The following CFAP46 variants were observed in gnomAD, a reference collection of about 807,000 sequenced individuals.
CFAP46 encodes the protein cilia and flagella associated protein 46.
In CFAP46, 245 loss-of-function variants were observed where a neutral mutation model predicts 325.7. That is an observed-to-expected ratio of 0.75 (90% CI 0.68 to 0.84). The LOEUF is 0.84. CFAP46 is among the 40% of genes least tolerant of loss of function. CFAP46 has a pLI of 0.00. For synonymous variants in CFAP46, 1,523 were observed against 1,495.9 expected (o/e 1.02, Z -0.42); for missense variants, 3,346 against 3,543.0 (o/e 0.94, Z 1.41).
intron 50 of CFAP46, among the ~76,000 whole-genome samples, chr10:132,830,684 T>C (rs1848134126): frequency 6.6e-6 from 1 of 152,152 alleles, no homozygotes; most frequent in South Asian, 2.1e-4. Context: ...TAATTTTGTG[T>C]CTCTCTTTTT....
At position 132,934,779 on chromosome 10, in the gene CFAP46, T is replaced by C. The variant is rs1023196715; in HGVS notation, c.839A>G (p.Gln280Arg). 1 of 1,609,588 alleles carries C rather than the reference T, an allele frequency of 6.2e-7. No homozygotes were observed. The highest frequency in any genetic ancestry group is 8.5e-7 in the Non-Finnish European group (1 of 1,176,286). Residue 280 changes from glutamine to arginine, a missense_variant, in exon 8 of 58, where the codon CAG (glutamine) becomes CGG (arginine). Gln to Arg is a conservative substitution (Grantham distance 43). Transcript: ENST00000368586. ...TTCTTCACTGATAGAGGGAAAGCGC[T>C]GGTGGTTGTAATGACCTAAGTGTCT... ...AYRHLGHYNH[Q>R]RFPSISEEKM... is the part of the protein sequence containing the mutation.
chr10:132,878,448 A>T (rs1169450393), intron 29 of CFAP46, among the ~76,000 whole-genome samples: 1 of 152,122 alleles, frequency 6.6e-6, no homozygotes, highest in African/African-American at 2.4e-5. Flanking sequence ...GTACCCAGGC[A>T]GGGAGGACGC....
At chr10:132,922,735 C>A in intron 11 of CFAP46, 27 bp from the exon 12 acceptor site, 1 of 1,521,646 alleles carries the variant, frequency 6.6e-7, no homozygotes, top group Non-Finnish European at 8.9e-7. Context: ...GCATCAGGGG[C>A]CCTGGCGGCG....
intron 34 of CFAP46, among the ~76,000 whole-genome samples, 189 bp from the exon 35 acceptor site, chr10:132,866,360 C>G (rs1252183890): frequency 1.3e-5 from 2 of 152,194 alleles, no homozygotes; most frequent in Non-Finnish European, 2.9e-5. Context: ...AGAGCTCAGG[C>G]CTTTGCCTTT....
Position 132,922,535 on chromosome 10 carries a change from G to A in CFAP46, c.1430C>T (p.Thr477Met), listed in dbSNP as rs550697849. The A allele has an allele frequency of 1.7e-4, 265 of 1,547,722 alleles. 1 individual carries two copies. The African/African-American group carries it at 2.9e-3, about 17-fold the overall frequency. The change falls in exon 12 of 58, where the codon ACG (threonine) becomes ATG (methionine). Residue 477 changes from threonine (T) to methionine (M), a missense_variant. Coordinates refer to ENST00000368586, the MANE Select transcript of CFAP46 (RefSeq NM_001200049.3). ...MASTRLRLCT[T>M]LYQAPERAED... ...TGCGCGCTCAGGGGCCTGGTATAGC[G>A]TGGTGCACAGACGCAGCCGGGTGGA...
rs11593504 is a variant in CFAP46 at position 132,809,445 on chromosome 10, T to C, written c.7665-541A>G. Among the ~76,000 whole-genome samples, 286 of 152,260 alleles carry C rather than the reference T, an allele frequency of 1.9e-3. 2 individuals are homozygous for C. The highest frequency in any genetic ancestry group is 3.6e-3 in the Non-Finnish European group (245 of 68,014). ...CCTGCTCTGCATTTGCAGGGATGAGTGTGGGTTCCGTCTGCCTTCCTCCTG... is the reference window on the plus strand; with the variant it reads ...CCTGCTCTGCATTTGCAGGGATGAGCGTGGGTTCCGTCTGCCTTCCTCCTG... On this transcript the variant is annotated intron_variant, in intron 57 of 57. Transcript: ENST00000368586.
chr10:132,905,036 G>A lies in CFAP46; in HGVS notation c.2924+3432C>T, dbSNP rs1340487567. Among the ~76,000 whole-genome samples the A allele has an allele frequency of 4.6e-5, 7 of 152,246 alleles. No homozygotes were observed. In the East Asian group the frequency reaches 1.2e-3, roughly 25 times the overall value. The stretch of plus-strand genomic sequence containing the variant: ...GTGACCCTGGTGACTCACCTTCCCG[G>A]TGAGGACCACAACACCCACGCTTCC... On this transcript the variant is annotated intron_variant, in intron 22 of 57. Transcript: ENST00000368586.
chr10:132,824,072 GA>G (rs1226159759), intron 50 of CFAP46, among the ~76,000 whole-genome samples: 6 of 134,230 alleles, frequency 4.5e-5, no homozygotes, highest in East Asian at 2.3e-4. Flanking sequence ...GATGTGTGCT[GA>G]TGTGTGCACT....
At position 132,926,664 on chromosome 10, in the gene CFAP46, A is replaced by T. The variant is rs1242513781; in HGVS notation, c.969T>A (p.Asp323Glu). The T allele has an allele frequency of 6.5e-7, 1 of 1,534,880 alleles. No homozygotes were observed. The highest frequency in any genetic ancestry group is 8.7e-7 in the Non-Finnish European group (1 of 1,145,792). Residue 323 changes from aspartate (D) to glutamate (E), a missense_variant and splice_region_variant, in exon 10 of 58, where the codon GAT (aspartate) becomes GAA (glutamate). By Grantham distance (45) the Asp-to-Glu change is conservative. Transcript: ENST00000368586. ...LSDLKKMESK[D>E]PGKLIEMECL... ...ATTCCATTTCAATAAGCTTCCCAGG[A>T]TCCTGCAGATATAAACAGTTTTTGA... is the stretch of plus-strand genomic sequence containing the variant.
At chr10:132,819,647 G>A (rs563916872) in intron 50 of CFAP46, among the ~76,000 whole-genome samples, 55 of 152,312 alleles carry the variant, frequency 3.6e-4, no homozygotes, top group African/African-American at 1.1e-3. Context: ...CGGAAATGAC[G>A]GTCTCGTCAA....
In CFAP46 at chr10:132,877,901, TCTC is replaced by T. The variant is rs1188117326; in HGVS notation, c.4189_4191del (p.Glu1397del). ...ATCACCTGCTTGGGCTCCTTGACTT[TCTC>T]CTCCTTTCCCTTCTCCTTGTCCTTC... On this transcript the variant is annotated inframe_deletion, in exon 30 of 58. Coordinates refer to ENST00000368586, the MANE Select transcript of CFAP46 (RefSeq NM_001200049.3). This position sits in a 1 kb window ranked among gnomAD's most constrained non-coding sequence, Gnocchi z 5.7. The T allele has an allele frequency of 6.5e-7, 1 of 1,543,436 alleles. No homozygotes were observed. Among genetic ancestry groups the T allele is most frequent in the South Asian group, 1.2e-5 (1 of 81,548 alleles).
chr10:132,868,234 C>A (rs1328804395), intron 33 of CFAP46, among the ~76,000 whole-genome samples: 2 of 152,320 alleles, frequency 1.3e-5, no homozygotes, highest in East Asian at 3.9e-4. Flanking sequence ...GCGCTGGCCA[C>A]CCCACATCGC....
chr10:132,905,917 G>A (rs546238882), intron 22 of CFAP46, among the ~76,000 whole-genome samples: 1 of 152,346 alleles, frequency 6.6e-6, no homozygotes, highest in East Asian at 1.9e-4. Flanking sequence ...GGAAGGCTAG[G>A]GAGGGACATC....
rs1849641965 is a variant in CFAP46, at chr10:132,916,556, T to C, written c.2113A>G (p.Thr705Ala). ...EPPEVNAEWI[T>A]YRTWIESLSR... ...ACTGTCGCCTCTGCCCACCTGTATG[T>C]GATCCACTCAGCATTCACCTCCGGG... The change falls in exon 17 of 58, where the codon ACA (threonine) becomes GCA (alanine). Residue 705 changes from threonine to alanine, a missense_variant. By Grantham distance (58) the Thr-to-Ala change is moderately conservative. Coordinates refer to ENST00000368586, the MANE Select transcript of CFAP46 (RefSeq NM_001200049.3). The C allele has an allele frequency of 6.5e-7, 1 of 1,547,736 alleles. No individual in the cohort carries two copies. The highest frequency in any genetic ancestry group is 2.0e-5 in the Admixed American group (1 of 50,748).
intron 37 of CFAP46, 66 bp from the exon 38 acceptor site, chr10:132,859,313 G>C (rs1848692195): frequency 2.2e-6 from 3 of 1,390,268 alleles, no homozygotes; most frequent in Non-Finnish European, 9.6e-7. Context: ...CTTGCGGCTG[G>C]GCTGCCGCTG....
intron 50 of CFAP46, among the ~76,000 whole-genome samples, chr10:132,822,285 G>GT (rs1362616339): frequency 1.1e-5 from 1 of 90,562 alleles, no homozygotes; most frequent in Non-Finnish European, 2.3e-5. Context: ...TGTGAGTGCT[G>GT]GTGTGCTGAT....
rs956225184 is a variant in CFAP46 at position 132,878,722 on chromosome 10, TA to T, written c.4006-636del. Among the ~76,000 whole-genome samples, 32 of 151,704 alleles carry T rather than the reference TA, an allele frequency of 2.1e-4. 1 individual carries two copies. The highest frequency in any genetic ancestry group is 1.3e-3 in the South Asian group (6 of 4,782). On this transcript the variant is annotated intron_variant, in intron 29 of 57. Transcript: ENST00000368586. ...AGCGTGGAGCATTCTGAAGACGGGA[TA>T]GGGGGGCCTCCCTGCCTTTCCTGCT...
chr10:132,879,371 C>A, intron 29 of CFAP46, 55 bp downstream of exon 29: 1 of 1,432,952 alleles, frequency 7.0e-7, no homozygotes, highest in Non-Finnish European at 9.2e-7. Flanking sequence ...TTCCCCAGCC[C>A]GCGGCCCGTC....
At chr10:132,883,747 G>A (rs1433946867) in intron 27 of CFAP46, among the ~76,000 whole-genome samples, 3 of 152,214 alleles carry the variant, frequency 2.0e-5, no homozygotes, top group African/African-American at 4.8e-5. Flanking sequence ...GACACATAAC[G>A]GAATACGACT....
Sources: allele counts gnomAD v4.1 joint callset (sites outside exome capture counted in the v4.1 genomes callset), GRCh38; gene constraint gnomAD v4.1.1; non-coding constraint Gnocchi (gnomAD v3.1); transcripts MANE v1.5; gene names NCBI Gene and HGNC (gene_info 2026-07-23, HGNC 2026-07-21).